IMMP2L: variants seen among roughly 807,000 people sequenced by gnomAD.
IMMP2L encodes inner mitochondrial membrane peptidase subunit 2, also known as mitochondrial inner membrane protease subunit 2.
IMMP2L carries 18 observed loss-of-function variants against 19.3 expected under a neutral mutation model. The observed-to-expected ratio is 0.93, with a 90% CI of 0.64 to 1.38. IMMP2L has a LOEUF of 1.38. Among genes scored for constraint, IMMP2L ranks in the 40% most tolerant of loss-of-function variants. The probability of loss-of-function intolerance (pLI) is 0.00; values close to 1 mark genes in which losing one functional copy is unlikely to be tolerated. For missense variants in IMMP2L, 233 were observed against 218.2 expected, an observed-to-expected ratio of 1.07 and a Z score of -0.43; for synonymous variants, 76 against 73.0, an observed-to-expected ratio of 1.04 and a Z score of -0.21.
intron 3 of IMMP2L, among the ~76,000 whole-genome samples, chr7:111,095,009 A>G (rs1797257386): frequency 6.6e-6 from 1 of 152,050 alleles, no homozygotes. Context: ...AGGGCCATTT[A>G]CTATATTTGC....
intron 5 of IMMP2L, among the ~76,000 whole-genome samples, chr7:110,855,915 A>G (rs903273139): frequency 6.6e-6 from 1 of 152,032 alleles, no homozygotes; most frequent in African/African-American, 2.4e-5. Flanking sequence ...TATACTTACT[A>G]TAGGAACACT....
At chr7:111,039,745 C>G (rs529563692) in intron 3 of IMMP2L, among the ~76,000 whole-genome samples, 1 of 152,322 alleles carries the variant, frequency 6.6e-6, no homozygotes, top group South Asian at 2.1e-4. Flanking sequence ...TCCAGCATCT[C>G]TATTCCTCCC....
intron 4 of IMMP2L, among the ~76,000 whole-genome samples, chr7:110,930,856 T>G (rs1016906956): frequency 6.6e-6 from 1 of 152,204 alleles, no homozygotes; most frequent in Non-Finnish European, 1.5e-5. Context: ...CCTAAGTTCA[T>G]GAAAAGCAAC....
chr7:110,675,113 G>A (rs1451939687), intron 5 of IMMP2L, among the ~76,000 whole-genome samples: 2 of 152,010 alleles, frequency 1.3e-5, no homozygotes, highest in Admixed American at 6.6e-5. Context: ...TTATTTTCTT[G>A]ACCTCCCACC....
intron 3 of IMMP2L, among the ~76,000 whole-genome samples, chr7:111,166,368 C>T (rs76809864): frequency 0.069 from 10,445 of 151,944 alleles, 756 homozygotes; most frequent in African/African-American, 0.18. Context: ...CCCACCCTGG[C>T]CTGCTTGAAA....
chr7:111,030,280 GA>G (rs940940084), intron 3 of IMMP2L, among the ~76,000 whole-genome samples: 2 of 150,620 alleles, frequency 1.3e-5, no homozygotes, highest in African/African-American at 2.4e-5. Flanking sequence ...TTTAAAATGT[GA>G]AAAAAAAGCC....
At chr7:111,124,726 G>A (rs1271626764) in intron 3 of IMMP2L, 1 of 1,613,962 alleles carries the variant, frequency 6.2e-7, no homozygotes, top group Non-Finnish European at 8.5e-7. Context: ...CCTCTCTCCA[G>A]AAATGAACTG....
chr7:111,377,122 T>A (rs1034163524), intron 3 of IMMP2L, among the ~76,000 whole-genome samples: 1 of 151,848 alleles, frequency 6.6e-6, no homozygotes, highest in Non-Finnish European at 1.5e-5. Flanking sequence ...AAATATAGTA[T>A]ATATAGTTAT....
At chr7:111,249,230 G>A (rs1032319470) in intron 3 of IMMP2L, among the ~76,000 whole-genome samples, 3 of 96,634 alleles carry the variant, frequency 3.1e-5, no homozygotes, top group Non-Finnish European at 6.1e-5. Flanking sequence ...GTGGTGCGCC[G>A]TTTCTTAAGC....
In IMMP2L at chr7:111,123,235, A is replaced by G. The variant is rs1563268613; in HGVS notation, c.240-159670T>C. On this transcript the variant is annotated intron_variant, in intron 3 of 5. Transcript: ENST00000405709. This position sits in a 1 kb window ranked among gnomAD's most constrained non-coding sequence, Gnocchi z 6.4. ...TATTAATCACAACTTGCTTTCTACA[A>G]TTTCACCTGGAGCCTTTATTGGCCT... 4.3e-6 allele frequency: 7 copies of G among 1,613,840 alleles called. No individual in the cohort carries two copies. Among genetic ancestry groups the G allele is most frequent in the South Asian group, 3.3e-5 (3 of 91,068 alleles).
intron 4 of IMMP2L, among the ~76,000 whole-genome samples, chr7:110,916,560 A>G (rs1813635920): frequency 1.3e-5 from 2 of 152,216 alleles, no homozygotes; most frequent in Admixed American, 6.6e-5. Context: ...AAATGGGACC[A>G]AAACCATTAA....
chr7:110,854,595 G>C (rs1317889741), intron 5 of IMMP2L, among the ~76,000 whole-genome samples: 1 of 151,820 alleles, frequency 6.6e-6, no homozygotes, highest in Non-Finnish European at 1.5e-5. Context: ...AGTCAATCTA[G>C]CCAGATGAAA....
intron 3 of IMMP2L, among the ~76,000 whole-genome samples, chr7:111,075,527 A>G (rs2129575797): frequency 6.6e-6 from 1 of 152,272 alleles, no homozygotes; most frequent in Non-Finnish European, 1.5e-5. Flanking sequence ...TAATACTCGA[A>G]ATTGCAGGAA....
intron 3 of IMMP2L, among the ~76,000 whole-genome samples, chr7:111,425,464 T>C (rs750958120): frequency 1.3e-5 from 2 of 151,026 alleles, no homozygotes; most frequent in African/African-American, 2.4e-5. Context: ...ACAATACGCA[T>C]GTTGAAAGTA....
At chr7:110,747,322 C>A (rs1397639731) in intron 5 of IMMP2L, among the ~76,000 whole-genome samples, 1 of 152,132 alleles carries the variant, frequency 6.6e-6, no homozygotes, top group Non-Finnish European at 1.5e-5. Flanking sequence ...ACCAGAGGTA[C>A]AAAGAGGAGC....
At chr7:111,280,793 G>A (rs1225742404) in intron 3 of IMMP2L, among the ~76,000 whole-genome samples, 2 of 152,070 alleles carry the variant, frequency 1.3e-5, no homozygotes, top group African/African-American at 4.8e-5. Flanking sequence ...AAATTGGCCG[G>A]GTGCGGTGGC....
chr7:111,289,938 T>C (rs1820907642), intron 3 of IMMP2L, among the ~76,000 whole-genome samples: 1 of 152,088 alleles, frequency 6.6e-6, no homozygotes, highest in Admixed American at 6.6e-5. Flanking sequence ...TTAATGAACA[T>C]AAAACCTAGT....
intron 3 of IMMP2L, among the ~76,000 whole-genome samples, chr7:111,407,876 A>G (rs190140206): frequency 2.0e-5 from 3 of 152,200 alleles, no homozygotes; most frequent in Non-Finnish European, 4.4e-5. Context: ...ACTAATAATA[A>G]TGGTGACAAT....
chr7:111,420,927 T>C (rs930798316), intron 3 of IMMP2L, among the ~76,000 whole-genome samples: 3 of 151,864 alleles, frequency 2.0e-5, no homozygotes, highest in Non-Finnish European at 2.9e-5. Context: ...TACCCAGTAA[T>C]GGGACCGCTG....
Sources: gnomAD v4.1 joint callset for allele counts (sites outside exome capture counted in the v4.1 genomes callset) on GRCh38, gnomAD v4.1.1 for gene constraint, Gnocchi (gnomAD v3.1) non-coding constraint, MANE v1.5 for transcripts, NCBI Gene and HGNC (gene_info 2026-07-23, HGNC 2026-07-21) for gene names.